The following NPAS2 variants were observed in gnomAD, a reference collection of about 807,000 sequenced individuals.
NPAS2 encodes the protein neuronal PAS domain protein 2.
Under a neutral mutation model 107.5 loss-of-function variants are expected in NPAS2, and 23 were observed. The observed-to-expected ratio is 0.21, with a 90% CI of 0.15 to 0.30. The LOEUF (loss-of-function observed/expected upper bound fraction) is 0.30. NPAS2 is among the 10% of genes least tolerant of loss of function. The pLI is 1.00. For missense variants in NPAS2, 756 were observed against 1,043.3 expected (o/e 0.72, Z 3.79); for synonymous variants, 403 against 417.5 (o/e 0.97, Z 0.42).
rs1387246000 is a variant in NPAS2, at chr2:100,995,630, A to AG, written c.*54dup. The AG allele has an allele frequency of 1.3e-6, 2 of 1,577,008 alleles. No homozygotes were observed. The highest frequency in any genetic ancestry group is 8.6e-7 in the Non-Finnish European group (1 of 1,161,344). ...CACAATCAGCTTTAACCAATGGATG[A>AG]GGGGGGTGGCCACAGGAGATGGGGA... On this transcript the variant is annotated 3_prime_UTR_variant, in exon 21 of 21. Coordinates refer to ENST00000335681, the MANE Select transcript of NPAS2 (RefSeq NM_002518.4).
intron 11 of NPAS2, chr2:100,970,733 T>C: frequency 2.6e-6 from 1 of 389,826 alleles, no homozygotes. Context: ...AAAAGAATAG[T>C]AAATGAGAGG....
intron 15 of NPAS2, among the ~76,000 whole-genome samples, chr2:100,979,480 CTA>C (rs201705535): frequency 0.082 from 5,275 of 64,646 alleles, 479 homozygotes; most frequent in Middle Eastern, 0.26. Flanking sequence ...TTAATAATAA[CTA>C]TATATATATA....
rs1467802637 is a variant in NPAS2 at position 100,970,877 on chromosome 2, T to TG, written c.1056-107dup. ...CTAGGCTCCTCTGTGTTGACTGTTG[T>TG]GGGGGGCAGGGGTTACGTAGAGAAC... On this transcript the variant is annotated intron_variant, in intron 11 of 20. Coordinates refer to ENST00000335681, the MANE Select transcript of NPAS2 (RefSeq NM_002518.4). 8.5e-6 allele frequency: 7 copies of TG among 823,042 alleles called. No individual in the cohort carries two copies. The East Asian group carries it at 1.8e-4, about 22-fold the overall frequency. 51.0% of individuals were successfully genotyped at this position (823,042 alleles called of 1,614,324 possible).
In NPAS2 at chr2:100,850,253, A is replaced by G. The variant is rs192646745; in HGVS notation, c.-23+29839A>G. ...AAAATAAACAAATTTTAAAACTGAT[A>G]CTATAATCGAGTTCTCATATTCTGG... On this transcript the variant is annotated intron_variant, in intron 1 of 20. Transcript: ENST00000335681. 7.8e-3 allele frequency among the ~76,000 whole-genome samples: 1,186 copies of G among 152,288 alleles called. 23 individuals are homozygous for G. The highest frequency in any genetic ancestry group is 0.028 in the African/African-American group (1,145 of 41,554).
chr2:100,955,070 G>T (rs1312499205), intron 7 of NPAS2, among the ~76,000 whole-genome samples: 4 of 152,072 alleles, frequency 2.6e-5, no homozygotes, highest in Non-Finnish European at 4.4e-5. Context: ...TAGAGATGGG[G>T]TTTCGTCATG....
intron 1 of NPAS2, among the ~76,000 whole-genome samples, chr2:100,867,068 T>C (rs1253969698): frequency 3.9e-5 from 6 of 152,234 alleles, no homozygotes; most frequent in African/African-American, 1.4e-4. Context: ...CCAAATCCCC[T>C]GTTAGGAGGA....
rs551102713 is a variant in NPAS2, at chr2:100,840,864, G to A, written c.-23+20450G>A. Among the ~76,000 whole-genome samples, 29 of 152,182 alleles carry A rather than the reference G, an allele frequency of 1.9e-4. 1 individual carries two copies. Among genetic ancestry groups the A allele is most frequent in the South Asian group, 1.0e-3 (5 of 4,830 alleles). ...AAATGGAAAAGTGAAAAGAATGATC[G>A]TCTAAAAATAAGCACGAGGAAGTCT... On this transcript the variant is annotated intron_variant, in intron 1 of 20. Coordinates refer to ENST00000335681, the MANE Select transcript of NPAS2 (RefSeq NM_002518.4).
chr2:100,864,654 T>C (rs1679150250), intron 1 of NPAS2, among the ~76,000 whole-genome samples: 1 of 152,206 alleles, frequency 6.6e-6, no homozygotes, highest in African/African-American at 2.4e-5. Flanking sequence ...CAACACCCCC[T>C]TAGTCTTTAA....
At chr2:100,967,271 G>A (rs1676275787) in intron 10 of NPAS2, among the ~76,000 whole-genome samples, 1 of 111,480 alleles carries the variant, frequency 9.0e-6, no homozygotes. Context: ...TTTTGAGACA[G>A]AGTCTCACTC....
chr2:100,908,051 C>G (rs1682283622), intron 2 of NPAS2, among the ~76,000 whole-genome samples: 1 of 151,994 alleles, frequency 6.6e-6, no homozygotes, highest in African/African-American at 2.4e-5. Context: ...CATGCGCGTG[C>G]ATTTGTGGTC....
At chr2:100,850,070 T>A (rs1212675523) in intron 1 of NPAS2, among the ~76,000 whole-genome samples, 2 of 134,788 alleles carry the variant, frequency 1.5e-5, no homozygotes, top group African/African-American at 5.7e-5. Flanking sequence ...ATTTGTGAAA[T>A]TCAGTGTATA....
At chr2:100,990,546 A>C in intron 18 of NPAS2, 100 bp downstream of exon 18, 1 of 1,312,950 alleles carries the variant, frequency 7.6e-7, no homozygotes, top group South Asian at 1.3e-5. Flanking sequence ...GTTCAGACAG[A>C]TTCTAAAGTG....
intron 1 of NPAS2, among the ~76,000 whole-genome samples, chr2:100,900,070 C>T (rs894202650): frequency 4.6e-5 from 7 of 152,204 alleles, no homozygotes; most frequent in African/African-American, 9.6e-5. Flanking sequence ...ATACAAAAAT[C>T]GCTAACCATA....
At chr2:100,975,261 G>T in intron 13 of NPAS2, 197 bp from the exon 14 acceptor site, 1 of 609,454 alleles carries the variant, frequency 1.6e-6, no homozygotes. Context: ...ATGAAGTTTA[G>T]GGAGTGTTTG....
intron 1 of NPAS2, among the ~76,000 whole-genome samples, chr2:100,881,806 G>A (rs1397812824): frequency 6.6e-6 from 1 of 152,208 alleles, no homozygotes; most frequent in Non-Finnish European, 1.5e-5. Context: ...AGGAAGTCCA[G>A]GCGCAGAGGG....
intron 11 of NPAS2, 37 bp from the exon 12 acceptor site, chr2:100,970,953 C>A: frequency 6.3e-7 from 1 of 1,583,250 alleles, no homozygotes. Context: ...TCCTGGAATG[C>A]CCCATCTCCA....
In NPAS2 at chr2:100,820,762, G is replaced by C. The variant is rs2104293640; in HGVS notation, c.-23+348G>C. On this transcript the variant is annotated intron_variant, in intron 1 of 20. Coordinates refer to ENST00000335681, the MANE Select transcript of NPAS2 (RefSeq NM_002518.4). The surrounding 1 kb of genome is among the most constrained non-coding windows in gnomAD (Gnocchi z 5.6). ...CAGGGTGGAGAAGGATCGTGCCCCA[G>C]GGCAACAGCTTTGGGGATTGCCCGT... Among the ~76,000 whole-genome samples the C allele has an allele frequency of 6.6e-6, 1 of 152,312 alleles. No homozygotes were observed. Among genetic ancestry groups the C allele is most frequent in the Non-Finnish European group, 1.5e-5 (1 of 68,016 alleles).
At chr2:100,856,356 A>G (rs1678554294) in intron 1 of NPAS2, among the ~76,000 whole-genome samples, 1 of 152,194 alleles carries the variant, frequency 6.6e-6, no homozygotes, top group African/African-American at 2.4e-5. Context: ...ATTCCCGAGC[A>G]CAGGCTCCCA....
At chr2:100,877,462 A>AG (rs1414115717) in intron 1 of NPAS2, among the ~76,000 whole-genome samples, 2 of 148,118 alleles carry the variant, frequency 1.4e-5, no homozygotes, top group African/African-American at 5.2e-5. Flanking sequence ...AAAAAAAAAA[A>AG]AAAAAGAAAT....
Sources: allele counts gnomAD v4.1 joint callset (sites outside exome capture counted in the v4.1 genomes callset), GRCh38; gene constraint gnomAD v4.1.1; non-coding constraint Gnocchi (gnomAD v3.1); transcripts MANE v1.5; gene names NCBI Gene and HGNC (gene_info 2026-07-23, HGNC 2026-07-21).